The following FEM1C variants were observed in gnomAD, a reference collection of about 807,000 sequenced individuals.
FEM1C encodes the protein protein fem-1 homolog C.
FEM1C carries 15 observed loss-of-function variants against 37.6 expected under a neutral mutation model. The observed-to-expected ratio is 0.40, with a 90% CI of 0.27 to 0.61. FEM1C has a LOEUF of 0.61. FEM1C is among the 20% of genes least tolerant of loss of function. FEM1C has a pLI of 0.42. For missense variants in FEM1C, 532 were observed against 749.7 expected (o/e 0.71, Z 3.39); for synonymous variants, 287 against 272.8 (o/e 1.05, Z -0.51).
chr5:115,539,280 G>C (rs1467796418), intron 2 of FEM1C, among the ~76,000 whole-genome samples: 1 of 152,036 alleles, frequency 6.6e-6, no homozygotes, highest in Admixed American at 6.5e-5. Context: ...GGGTGTAAAA[G>C]TGGAATTGAA....
intron 2 of FEM1C, among the ~76,000 whole-genome samples, chr5:115,533,658 G>A (rs996894627): frequency 5.9e-5 from 9 of 151,782 alleles, no homozygotes; most frequent in African/African-American, 1.7e-4. Flanking sequence ...ATAATACAGC[G>A]ATCGTACTTC....
In FEM1C at chr5:115,523,007, GA is replaced by G. The variant is rs1472348216; in HGVS notation, c.*1300del. ...AGTGAGAGAAAGAAAGGAAGAAAGA[GA>G]AAAGAAAAAGCTAACTTCCAGTAAG... On this transcript the variant is annotated 3_prime_UTR_variant, in exon 3 of 3. Transcript: ENST00000274457. The G allele has an allele frequency of 2.0e-5, 3 of 152,352 alleles. No individual in the cohort carries two copies. The highest frequency in any genetic ancestry group is 7.2e-5 in the African/African-American group (3 of 41,504). 9.4% of individuals were successfully genotyped at this position (152,352 alleles called of 1,614,324 possible).
chr5:115,539,395 C>T (rs1231038762), intron 2 of FEM1C, among the ~76,000 whole-genome samples: 4 of 152,160 alleles, frequency 2.6e-5, no homozygotes, highest in South Asian at 4.1e-4. Context: ...AACCATGAAG[C>T]GCTGAGATCA....
At chr5:115,530,129 C>T (rs575773878) in intron 2 of FEM1C, among the ~76,000 whole-genome samples, 1 of 151,948 alleles carries the variant, frequency 6.6e-6, no homozygotes, top group East Asian at 1.9e-4. Flanking sequence ...ACAAAGAAAA[C>T]TCAAGACACA....
chr5:115,534,211 G>A (rs114373962), intron 2 of FEM1C, among the ~76,000 whole-genome samples: 1,642 of 152,020 alleles, frequency 0.011, 30 homozygotes, highest in African/African-American at 0.037. Context: ...GTAAGTGCTC[G>A]TGCATTAAAG....
chr5:115,543,778 A>C, intron 1 of FEM1C, 95 bp from the exon 2 acceptor site: 2 of 1,198,394 alleles, frequency 1.7e-6, no homozygotes, highest in Non-Finnish European at 2.1e-6. Context: ...AAAGGAATAA[A>C]AGCTATACTT....
chr5:115,539,279 A>T (rs1175063006), intron 2 of FEM1C, among the ~76,000 whole-genome samples: 1 of 151,992 alleles, frequency 6.6e-6, no homozygotes, highest in Admixed American at 6.6e-5. Context: ...AGGGTGTAAA[A>T]GTGGAATTGA....
chr5:115,543,817 C>A, intron 1 of FEM1C, 134 bp from the exon 2 acceptor site: 1 of 1,067,732 alleles, frequency 9.4e-7, no homozygotes, highest in Non-Finnish European at 1.1e-6. Flanking sequence ...ACACACCCCC[C>A]CCACCCCCAA....
intron 2 of FEM1C, among the ~76,000 whole-genome samples, chr5:115,537,969 G>T (rs1309729256): frequency 1.3e-5 from 2 of 151,820 alleles, no homozygotes; most frequent in Non-Finnish European, 2.9e-5. Flanking sequence ...TTTACAGTGG[G>T]GAATTAAATA....
intron 2 of FEM1C, among the ~76,000 whole-genome samples, chr5:115,525,847 CA>C (rs1753880085): frequency 6.6e-6 from 1 of 151,976 alleles, no homozygotes; most frequent in African/African-American, 2.4e-5. Flanking sequence ...AAAAGACATC[CA>C]AAGTCACCAG....
chr5:115,529,435 T>C (rs1179997322), intron 2 of FEM1C, among the ~76,000 whole-genome samples: 1 of 152,036 alleles, frequency 6.6e-6, no homozygotes, highest in Non-Finnish European at 1.5e-5. Context: ...AAAAATTCTA[T>C]ACCCATATCA....
chr5:115,544,355 C>G (rs1754311434), intron 1 of FEM1C, among the ~76,000 whole-genome samples, 168 bp downstream of exon 1: 1 of 151,992 alleles, frequency 6.6e-6, no homozygotes, highest in African/African-American at 2.4e-5. Context: ...ACGGCAGCCC[C>G]CTCCCAATCT....
At chr5:115,534,872 T>G (rs1348514455) in intron 2 of FEM1C, among the ~76,000 whole-genome samples, 1 of 151,920 alleles carries the variant, frequency 6.6e-6, no homozygotes, top group Non-Finnish European at 1.5e-5. Flanking sequence ...GGTCCTTGAG[T>G]AGCAAGAAAA....
At position 115,524,132 on chromosome 5, in the gene FEM1C, T is replaced by G; in HGVS notation, c.*176A>C. On this transcript the variant is annotated 3_prime_UTR_variant, in exon 3 of 3. Transcript: ENST00000274457. ...CAAACAATATATTATATGGTATATTTATATTAAATATTGGGAAACCAATGT... is the reference window on the plus strand; with the variant it reads ...CAAACAATATATTATATGGTATATTGATATTAAATATTGGGAAACCAATGT... 1 of 576,428 alleles carries G rather than the reference T, an allele frequency of 1.7e-6. No individual in the cohort carries two copies. 35.7% of individuals were successfully genotyped at this position (576,428 alleles called of 1,614,324 possible).
chr5:115,524,358 T>C lies in FEM1C; in HGVS notation c.1804A>G (p.Lys602Glu). Residue 602 changes from lysine to glutamate, a missense_variant, in exon 3 of 3, where the codon AAA becomes GAA. Lys to Glu is a moderately conservative substitution (Grantham distance 56, BLOSUM62 1). Around this residue, in one of 3 missense-constraint regions of FEM1C, gnomAD observed 237 missense variants for 260.5 expected, o/e 0.91. Transcript: ENST00000274457. ...RVIVNHRIYY[K>E]GHIPEKLETF... Reference sequence around the variant, plus strand: ...TCTAGCTTTTCTGGGATATGCCCTTTATAATATATTCTATGATTCACTATG... The same window carrying C: ...TCTAGCTTTTCTGGGATATGCCCTTCATAATATATTCTATGATTCACTATG... 1 of 1,613,428 alleles carries C rather than the reference T, an allele frequency of 6.2e-7. No individual in the cohort carries two copies. Among genetic ancestry groups the C allele is most frequent in the Non-Finnish European group, 8.5e-7 (1 of 1,179,630 alleles).
At chr5:115,535,482 T>G (rs1185402024) in intron 2 of FEM1C, among the ~76,000 whole-genome samples, 1 of 151,698 alleles carries the variant, frequency 6.6e-6, no homozygotes, top group Non-Finnish European at 1.5e-5. Flanking sequence ...CCACACGAAT[T>G]AAGTACATGA....
chr5:115,540,734 T>C (rs559194072), intron 2 of FEM1C, among the ~76,000 whole-genome samples: 1 of 152,192 alleles, frequency 6.6e-6, no homozygotes, highest in East Asian at 1.9e-4. Context: ...CTTTGGAAAA[T>C]ATAACGGAAG....
chr5:115,521,666 C>T lies in FEM1C; in HGVS notation c.*2642G>A, dbSNP rs1031981048. On this transcript the variant is annotated 3_prime_UTR_variant, in exon 3 of 3. Coordinates refer to ENST00000274457, the MANE Select transcript of FEM1C (RefSeq NM_020177.3). ...ACACATTAACTCCAGTCAATAACAC[C>T]GTGCTACAGTGTACAGTTTAGTTAG... 6 of 151,678 alleles carry T rather than the reference C, an allele frequency of 4.0e-5. No individual in the cohort carries two copies. The highest frequency in any genetic ancestry group is 1.2e-4 in the African/African-American group (5 of 41,344). The allele number at this position is 151,678 out of a possible 1,614,324, so 9.4% of individuals were successfully genotyped here. A position where few individuals can be genotyped will look rare whatever the true frequency, so the allele number is the denominator to read the frequency against.
Position 115,543,693 on chromosome 5 carries a change from G to GAAAA in FEM1C, c.-190-14_-190-11dup. ...CAACCAGGGCACCAAACTAGAGAAA[G>GAAAA]AAAAAAAAAGTAGCAGCATTTAATT... is the stretch of plus-strand genomic sequence containing the variant. On this transcript the variant is annotated splice_polypyrimidine_tract_variant and intron_variant, in intron 1 of 2. Transcript: ENST00000274457. The GAAAA allele has an allele frequency of 7.6e-7, 1 of 1,314,854 alleles. No homozygotes were observed. The highest frequency in any genetic ancestry group is 9.7e-7 in the Non-Finnish European group (1 of 1,035,422). The allele number at this position is 1,314,854 out of a possible 1,614,324, so 81.4% of individuals were successfully genotyped here.
Sources: gnomAD v4.1 joint callset for allele counts (sites outside exome capture counted in the v4.1 genomes callset) on GRCh38, gnomAD v4.1.1 for gene constraint, gnomAD v4.1.1 regional missense constraint, MANE v1.5 for transcripts, NCBI Gene and HGNC (gene_info 2026-07-23, HGNC 2026-07-21) for gene names.